Variants in UBE4B observed in about 807,000 individuals in gnomAD.
The protein encoded by UBE4B is ubiquitination factor E4B, also known as ubiquitin conjugation factor E4 B.
In UBE4B, 27 loss-of-function variants were observed where a neutral mutation model predicts 148.1. The observed-to-expected ratio is 0.18, with a 90% confidence interval of 0.13 to 0.25. The LOEUF is 0.25. Ranked by LOEUF, UBE4B falls within the 10% of genes least tolerant of loss-of-function variation. The pLI, the probability that UBE4B is intolerant of heterozygous loss-of-function variation, is 1.00. For synonymous variants in UBE4B, 596 were observed against 619.3 expected, an observed-to-expected ratio of 0.96 and a Z score of 0.56; for missense variants, 1,170 against 1,662.4, an observed-to-expected ratio of 0.70 and a Z score of 5.15.
intron 17 of UBE4B, among the ~76,000 whole-genome samples, 197 bp from the exon 18 acceptor site, chr1:10,144,743 A>AC (rs1385653990): frequency 6.6e-6 from 1 of 151,410 alleles, no homozygotes; most frequent in East Asian, 1.9e-4. Context: ...TAAAAAAAAA[A>AC]AAAAAAGAAA....
At position 10,147,444 on chromosome 1, in the gene UBE4B, G is replaced by A. The variant is rs549447061; in HGVS notation, c.2591+354G>A. Among the ~76,000 whole-genome samples the A allele has an allele frequency of 2.6e-5, 4 of 152,260 alleles. 1 individual carries two copies. In the East Asian group the frequency reaches 7.7e-4, roughly 29 times the overall value. On this transcript the variant is annotated intron_variant, in intron 19 of 27. Coordinates refer to ENST00000343090, the MANE Select transcript of UBE4B (RefSeq NM_001105562.3). The stretch of plus-strand genomic sequence containing the variant: ...GGAGGCGGAGGTTGCATTGAGCCGA[G>A]ATCATGCTACTGCACTCCAGCCTGG...
chr1:10,130,230 A>G (rs543706721), intron 12 of UBE4B, among the ~76,000 whole-genome samples: 1 of 151,706 alleles, frequency 6.6e-6, no homozygotes, highest in African/African-American at 2.4e-5. Context: ...GCACACCACC[A>G]CGCCCGGCTA....
chr1:10,060,955 A>AGGC (rs1183516331), intron 1 of UBE4B, among the ~76,000 whole-genome samples: 2 of 152,140 alleles, frequency 1.3e-5, no homozygotes, highest in African/African-American at 4.8e-5. Context: ...TATGCTGCTC[A>AGGC]GGCCGGTCTT....
At chr1:10,059,004 T>C (rs1166437464) in intron 1 of UBE4B, 1 of 152,126 alleles carries the variant, frequency 6.6e-6, no homozygotes, top group Non-Finnish European at 1.5e-5. Context: ...TCCCAGCACT[T>C]TGGGAGGCCG....
chr1:10,131,982 T>G (rs1462959938), intron 14 of UBE4B, among the ~76,000 whole-genome samples: 1 of 151,252 alleles, frequency 6.6e-6, no homozygotes, highest in African/African-American at 2.4e-5. Flanking sequence ...ATGCAAAAAC[T>G]AGCTGGGTGT....
At chr1:10,134,883 C>A in intron 15 of UBE4B, 105 bp from the exon 16 acceptor site, 1 of 945,438 alleles carries the variant, frequency 1.1e-6, no homozygotes, top group Non-Finnish European at 1.6e-6. Flanking sequence ...AGGTTGCAGC[C>A]AAGATCACAC....
At chr1:10,178,972 G>A in intron 26 of UBE4B, 154 bp downstream of exon 26, 1 of 785,950 alleles carries the variant, frequency 1.3e-6, no homozygotes. Context: ...CCTATTTTTA[G>A]CTCATATTGT....
At chr1:10,108,121 G>A (rs541764311) in intron 7 of UBE4B, among the ~76,000 whole-genome samples, 11 of 152,104 alleles carry the variant, frequency 7.2e-5, no homozygotes, top group South Asian at 6.2e-4. Flanking sequence ...ATTTAGTAAC[G>A]GGAGAGGGGC....
Position 10,168,043 on chromosome 1 carries a change from GT to G in UBE4B, c.3199-90del. The G allele has an allele frequency of 1.4e-6, 2 of 1,441,840 alleles. No homozygotes were observed. The highest frequency in any genetic ancestry group is 1.8e-6 in the Non-Finnish European group (2 of 1,088,596). 89.3% of individuals were successfully genotyped at this position (1,441,840 alleles called of 1,614,324 possible). ...TTCTGTCATTCCCTAAGCATGTTGG[GT>G]TTATCACGCACTTTCCAGTTATGTG... is the stretch of plus-strand genomic sequence containing the variant. On this transcript the variant is annotated intron_variant, in intron 23 of 27. Transcript: ENST00000343090. The surrounding 1 kb of genome is among the most constrained non-coding windows in gnomAD (Gnocchi z 4.9).
chr1:10,034,662 T>G (rs1643435108), intron 1 of UBE4B, among the ~76,000 whole-genome samples: 1 of 152,204 alleles, frequency 6.6e-6, no homozygotes, highest in Admixed American at 6.5e-5. Context: ...CCCTACAGTA[T>G]TAGGAAAGCA....
intron 7 of UBE4B, among the ~76,000 whole-genome samples, chr1:10,114,802 T>G (rs1252889753): frequency 6.6e-6 from 1 of 152,052 alleles, no homozygotes; most frequent in African/African-American, 2.4e-5. Context: ...AGGCGGAGTT[T>G]GCACTGAGCA....
At chr1:10,067,620 CTT>C (rs745988061) in intron 1 of UBE4B, among the ~76,000 whole-genome samples, 7 of 143,484 alleles carry the variant, frequency 4.9e-5, no homozygotes, top group Non-Finnish European at 6.1e-5. Flanking sequence ...ATTAGATACA[CTT>C]TTTTTTTTTT....
At chr1:10,041,381 C>T (rs1643756808) in intron 1 of UBE4B, among the ~76,000 whole-genome samples, 1 of 147,828 alleles carries the variant, frequency 6.8e-6, no homozygotes, top group African/African-American at 2.5e-5. Flanking sequence ...GTCACTCAGG[C>T]TTGAGTGCAA....
In UBE4B at chr1:10,170,918, G is replaced by A. The variant is rs1571028648; in HGVS notation, c.3334-220G>A. On this transcript the variant is annotated intron_variant, in intron 24 of 27. Coordinates refer to ENST00000343090, the MANE Select transcript of UBE4B (RefSeq NM_001105562.3). ...GTATTTATAAATAAATATTTCATCA[G>A]CCTGCAACATTCCATTAAGTATTAG... 3 of 399,428 alleles carry A rather than the reference G, an allele frequency of 7.5e-6. No individual in the cohort carries two copies. In the East Asian group the frequency reaches 1.2e-4, roughly 15 times the overall value. 24.7% of individuals were successfully genotyped at this position (399,428 alleles called of 1,614,324 possible). A position where few individuals can be genotyped will look rare whatever the true frequency, so the allele number is the denominator to read the frequency against.
At chr1:10,107,174 T>C (rs1030132613) in intron 7 of UBE4B, 1 of 1,288,310 alleles carries the variant, frequency 7.8e-7, no homozygotes, top group African/African-American at 1.5e-5. Context: ...CTCCCCGTCT[T>C]GTTTTTTCTT....
intron 1 of UBE4B, among the ~76,000 whole-genome samples, chr1:10,069,396 A>G (rs1328839513): frequency 1.3e-5 from 2 of 152,214 alleles, no homozygotes; most frequent in East Asian, 1.9e-4. Context: ...AGAAACTTCA[A>G]TTAGGGGGAT....
At chr1:10,085,863 C>T (rs1386380883) in intron 2 of UBE4B, among the ~76,000 whole-genome samples, 1 of 152,038 alleles carries the variant, frequency 6.6e-6, no homozygotes, top group Non-Finnish European at 1.5e-5. Flanking sequence ...GATTTTGCCT[C>T]ACTGCAACGT....
chr1:10,152,618 A>G (rs1645995555), intron 21 of UBE4B, among the ~76,000 whole-genome samples: 1 of 151,706 alleles, frequency 6.6e-6, no homozygotes, highest in Non-Finnish European at 1.5e-5. Flanking sequence ...GCCAACATGG[A>G]GAAACCCCGT....
intron 21 of UBE4B, among the ~76,000 whole-genome samples, chr1:10,156,629 C>T (rs1000269137): frequency 2.6e-5 from 4 of 152,054 alleles, no homozygotes; most frequent in East Asian, 1.9e-4. Context: ...TGATATGAGG[C>T]GTTGGGTTGG....
Sources: gnomAD v4.1 joint callset for allele counts (sites outside exome capture counted in the v4.1 genomes callset) on GRCh38, gnomAD v4.1.1 for gene constraint, Gnocchi (gnomAD v3.1) non-coding constraint, MANE v1.5 for transcripts, NCBI Gene and HGNC (gene_info 2026-07-23, HGNC 2026-07-21) for gene names.